TTC3: variants seen among roughly 807,000 people sequenced by gnomAD.
TTC3 encodes the protein tetratricopeptide repeat domain 3, also known as E3 ubiquitin-protein ligase TTC3.
Under a neutral mutation model 249.6 loss-of-function variants are expected in TTC3, and 180 were observed. The ratio of observed to expected loss-of-function variants is 0.72; its 90% CI spans 0.64 to 0.82. TTC3 has a LOEUF of 0.82. TTC3 is among the 40% of genes least tolerant of loss of function. The probability of loss-of-function intolerance (pLI) is 0.00; values close to 1 mark genes in which losing one functional copy is unlikely to be tolerated. For missense variants in TTC3, 2,061 were observed against 2,398.4 expected (o/e 0.86, Z 2.94); for synonymous variants, 717 against 805.0 (o/e 0.89, Z 1.85).
intron 27 of TTC3, among the ~76,000 whole-genome samples, chr21:37,154,765 G>A (rs1014837796): frequency 1.3e-5 from 2 of 151,328 alleles, no homozygotes; most frequent in South Asian, 2.1e-4. Flanking sequence ...GCGCGATCTC[G>A]GCTCACTGCA....
intron 11 of TTC3, among the ~76,000 whole-genome samples, chr21:37,114,162 G>T (rs906689790): frequency 1.3e-5 from 2 of 152,020 alleles, no homozygotes; most frequent in Non-Finnish European, 2.9e-5. Context: ...CAAAAGCAAT[G>T]GCAACAAAAG....
intron 35 of TTC3, among the ~76,000 whole-genome samples, chr21:37,177,146 A>G (rs574916521): frequency 1.3e-5 from 2 of 152,106 alleles, no homozygotes; most frequent in African/African-American, 2.4e-5. Context: ...AGATTGATCT[A>G]GAATGGCCTC....
At chr21:37,111,708 A>T (rs2075678899) in intron 11 of TTC3, among the ~76,000 whole-genome samples, 1 of 152,224 alleles carries the variant, frequency 6.6e-6, no homozygotes, top group South Asian at 2.1e-4. Flanking sequence ...CCTAATAGAC[A>T]TCTGCAGAAC....
intron 36 of TTC3, among the ~76,000 whole-genome samples, chr21:37,184,803 C>T (rs1007224825): frequency 3.3e-5 from 5 of 152,216 alleles, no homozygotes; most frequent in African/African-American, 4.8e-5. Context: ...TGCTTTAAAG[C>T]TCAATTTTTC....
At chr21:37,096,829 G>A in intron 10 of TTC3, 186 bp downstream of exon 10, 2 of 520,316 alleles carry the variant, frequency 3.8e-6, no homozygotes, top group Non-Finnish European at 6.8e-6. Context: ...CAGCTATTCT[G>A]ATTGAGTGCA....
intron 1 of TTC3, among the ~76,000 whole-genome samples, chr21:37,075,397 A>G (rs2070706785): frequency 6.6e-6 from 1 of 152,214 alleles, no homozygotes; most frequent in African/African-American, 2.4e-5. Context: ...TTGTGCACAC[A>G]TTTGGAAGTT....
intron 27 of TTC3, 44 bp from the exon 28 acceptor site, chr21:37,156,611 A>T: frequency 6.4e-7 from 1 of 1,566,926 alleles, no homozygotes; most frequent in South Asian, 1.2e-5. Context: ...TTTACAGTAA[A>T]TAATTTCCCT....
At chr21:37,094,173 A>C in intron 8 of TTC3, 83 bp downstream of exon 8, 1 of 626,738 alleles carries the variant, frequency 1.6e-6, no homozygotes, top group Non-Finnish European at 2.6e-6. Flanking sequence ...AAAACTGCTG[A>C]CAATATACAA....
chr21:37,147,688 C>A, intron 22 of TTC3, 85 bp downstream of exon 22: 2 of 1,475,588 alleles, frequency 1.4e-6, no homozygotes, highest in South Asian at 1.3e-5. Flanking sequence ...TGGAGGCACC[C>A]AAGTTCTCTG....
rs57682889 is a variant in TTC3, at chr21:37,095,137, A to ATGTGTGTGTGTGTGTGTGTGTGTG, written c.688-209_688-186dup. 8.1e-4 allele frequency among the ~76,000 whole-genome samples: 120 copies of ATGTGTGTGTGTGTGTGTGTGTGTG among 147,578 alleles called. 1 individual carries two copies. The highest frequency in any genetic ancestry group is 3.6e-3 in the East Asian group (18 of 5,008). On this transcript the variant is annotated intron_variant, in intron 8 of 45. Coordinates refer to ENST00000355666, the Ensembl canonical transcript of TTC3. ...GGTGACAGACCCTGTCTCTAAAAATATGTGTGTGTGTGTGTGTGTGTGTGT... is the reference window on the plus strand; with the variant it reads ...GGTGACAGACCCTGTCTCTAAAAATATGTGTGTGTGTGTGTGTGTGTGTGTGTGTGTGTGTGTGTGTGTGTGTGT...
intron 11 of TTC3, among the ~76,000 whole-genome samples, chr21:37,117,662 G>T (rs2076248877): frequency 6.6e-6 from 1 of 151,934 alleles, no homozygotes; most frequent in African/African-American, 2.4e-5. Flanking sequence ...AGGACGGGCA[G>T]ATCCCTTGAG....
intron 36 of TTC3, among the ~76,000 whole-genome samples, chr21:37,184,627 C>CTGTT (rs1360034116): frequency 2.4e-4 from 17 of 72,090 alleles, no homozygotes; most frequent in African/African-American, 9.6e-4. Flanking sequence ...ACTAATTTTT[C>CTGTT]TATTTTTTTT....
At chr21:37,103,257 T>C (rs1259836714) in intron 10 of TTC3, among the ~76,000 whole-genome samples, 1 of 152,110 alleles carries the variant, frequency 6.6e-6, no homozygotes, top group African/African-American at 2.4e-5. Context: ...GCTGGAGAAA[T>C]AAAAACACTT....
At chr21:37,165,510 T>TCATGTACTTGTAATG (rs1238270958) in intron 32 of TTC3, 40 bp from the exon 33 acceptor site, 12 of 1,477,100 alleles carry the variant, frequency 8.1e-6, no homozygotes, top group Non-Finnish European at 1.1e-5. Context: ...ATTCAAGTAC[T>TCATGTACTTGTAATG]TCCTTATAGT....
At chr21:37,085,872 A>G (rs1354478362) in intron 1 of TTC3, 1 of 152,238 alleles carries the variant, frequency 6.6e-6, no homozygotes, top group Non-Finnish European at 1.5e-5. Context: ...TAGATGTAGT[A>G]AAAGAGAGTG....
At chr21:37,115,473 C>T (rs1289839944) in intron 11 of TTC3, among the ~76,000 whole-genome samples, 3 of 152,122 alleles carry the variant, frequency 2.0e-5, no homozygotes, top group African/African-American at 7.2e-5. Flanking sequence ...CTATAATAGA[C>T]TCCACAGTTA....
At chr21:37,187,288 A>C in intron 38 of TTC3, 143 bp downstream of exon 38, 23 of 606,336 alleles carry the variant, frequency 3.8e-5, no homozygotes, top group Admixed American at 4.0e-5. Context: ...TCCTCCCTAA[A>C]ACGACCACTC....
At chr21:37,188,685 T>C in intron 39 of TTC3, 90 bp downstream of exon 39, 1 of 878,126 alleles carries the variant, frequency 1.1e-6, no homozygotes, top group Non-Finnish European at 1.7e-6. Context: ...ATTAGGACCA[T>C]TTTATTTTTA....
intron 14 of TTC3, 93 bp downstream of exon 14, chr21:37,124,835 G>A: frequency 7.0e-7 from 1 of 1,424,124 alleles, no homozygotes; most frequent in Non-Finnish European, 9.5e-7. Context: ...CCAAATTTTT[G>A]GCGATTTGAA....
Sources: allele counts gnomAD v4.1 joint callset (sites outside exome capture counted in the v4.1 genomes callset), GRCh38; gene constraint gnomAD v4.1.1; transcripts MANE v1.5; gene names NCBI Gene and HGNC (gene_info 2026-07-23, HGNC 2026-07-21).